CHL1: variants seen among roughly 807,000 people sequenced by gnomAD.
CHL1 encodes the protein neural cell adhesion molecule L1-like protein.
CHL1 carries 96 observed loss-of-function variants against 141.9 expected under a neutral mutation model. The observed-to-expected ratio is 0.68, with a 90% CI of 0.57 to 0.80. CHL1 has a LOEUF of 0.80. Ranked by LOEUF, CHL1 falls within the 30% of genes least tolerant of loss-of-function variation. The pLI is 0.00. For synonymous variants in CHL1, 613 were observed against 502.2 expected, an observed-to-expected ratio of 1.22 and a Z score of -2.95; for missense variants, 1,820 against 1,457.2, an observed-to-expected ratio of 1.25 and a Z score of -4.05.
rs1307605880 is a variant in CHL1, at chr3:198,731, C to T, written c.-175+1668C>T. 2.6e-5 allele frequency among the ~76,000 whole-genome samples: 4 copies of T among 152,190 alleles called. No individual in the cohort carries two copies. The South Asian group carries it at 8.3e-4, about 32-fold the overall frequency. ...TGTTAGTTAATCCTCAGTTTAATTA[C>T]ATATGGTGCATTTTCATTTCTCTGC... On this transcript the variant is annotated intron_variant, in intron 1 of 27. Transcript: ENST00000256509.
chr3:199,176 C>T (rs1460159193), intron 1 of CHL1, among the ~76,000 whole-genome samples: 2 of 152,156 alleles, frequency 1.3e-5, no homozygotes, highest in African/African-American at 2.4e-5. Context: ...GTGGATTTAC[C>T]TTTAGTAATG....
intron 1 of CHL1, among the ~76,000 whole-genome samples, chr3:235,012 TTGTA>T (rs1341548937): frequency 6.6e-6 from 1 of 151,284 alleles, no homozygotes; most frequent in African/African-American, 2.4e-5. Context: ...TTATTATTAT[TTGTA>T]ATTATACTTT....
intron 2 of CHL1, among the ~76,000 whole-genome samples, chr3:276,482 A>C (rs2125270387): frequency 6.6e-6 from 1 of 152,314 alleles, no homozygotes; most frequent in South Asian, 2.1e-4. Flanking sequence ...TTTGACCATG[A>C]GGTTTCAATA....
At chr3:399,423 T>C (rs568461236) in intron 26 of CHL1, among the ~76,000 whole-genome samples, 80 of 152,128 alleles carry the variant, frequency 5.3e-4, no homozygotes, top group South Asian at 4.6e-3. Context: ...GGGCGGATCA[T>C]GAGGTCAGGA....
rs1441597799 is a variant in CHL1, at chr3:406,279, G to C, written c.*568G>C. 6.6e-6 allele frequency: 1 copy of C among 152,108 alleles called. No homozygotes were observed. The highest frequency in any genetic ancestry group is 2.4e-5 in the African/African-American group (1 of 41,408). 9.4% of individuals were successfully genotyped at this position (152,108 alleles called of 1,614,324 possible). A position where few individuals can be genotyped will look rare whatever the true frequency, so the allele number is the denominator to read the frequency against. ...TTAGGTGAACAATCAACTAGTATTTGTTGAGCTCCTATTTGCCCAGAGATG... is the reference window on the plus strand; with the variant it reads ...TTAGGTGAACAATCAACTAGTATTTCTTGAGCTCCTATTTGCCCAGAGATG... On this transcript the variant is annotated 3_prime_UTR_variant, in exon 28 of 28. Transcript: ENST00000256509.
chr3:369,173 A>C (rs758481639), intron 15 of CHL1, among the ~76,000 whole-genome samples: 15 of 152,162 alleles, frequency 9.9e-5, no homozygotes, highest in Non-Finnish European at 1.8e-4. Context: ...TTGAATCTAT[A>C]AATTACTTTG....
At chr3:248,243 T>G (rs1693357746) in intron 2 of CHL1, 1 of 152,122 alleles carries the variant, frequency 6.6e-6, no homozygotes, top group South Asian at 2.1e-4. Flanking sequence ...ACAAATAAAT[T>G]TGATTTCCAA....
chr3:387,281 C>T (rs566494476), intron 19 of CHL1, among the ~76,000 whole-genome samples: 1 of 152,330 alleles, frequency 6.6e-6, no homozygotes, highest in Admixed American at 6.5e-5. Context: ...TTAAGAACCT[C>T]TTTTCTAAAG....
intron 17 of CHL1, 82 bp from the exon 18 acceptor site, chr3:382,392 C>A: frequency 6.8e-7 from 1 of 1,471,524 alleles, no homozygotes; most frequent in Non-Finnish European, 9.5e-7. Context: ...TCCTTTTGAA[C>A]TTTTAATATT....
At chr3:296,001 CA>C (rs11427399) in intron 2 of CHL1, among the ~76,000 whole-genome samples, 56 of 148,502 alleles carry the variant, frequency 3.8e-4, no homozygotes, top group East Asian at 1.2e-3. Flanking sequence ...AACTCCCTCT[CA>C]AAAAAAAAAT....
intron 2 of CHL1, among the ~76,000 whole-genome samples, chr3:272,974 A>G (rs1695774261): frequency 6.6e-6 from 1 of 152,202 alleles, no homozygotes; most frequent in African/African-American, 2.4e-5. Flanking sequence ...GATCATTCCT[A>G]TTAAGCTGGT....
At chr3:222,798 C>G (rs778845349) in intron 1 of CHL1, among the ~76,000 whole-genome samples, 1 of 152,168 alleles carries the variant, frequency 6.6e-6, no homozygotes, top group African/African-American at 2.4e-5. Flanking sequence ...TCTCTTCTAA[C>G]GCATATTGAT....
chr3:298,123 T>C (rs1462165399), intron 2 of CHL1, among the ~76,000 whole-genome samples: 1 of 152,192 alleles, frequency 6.6e-6, no homozygotes. Flanking sequence ...AGACAACATA[T>C]CAACATATGA....
chr3:354,490 CT>C (rs1703532124), intron 10 of CHL1, 149 bp from the exon 11 acceptor site: 1 of 810,872 alleles, frequency 1.2e-6, no homozygotes, highest in Admixed American at 2.5e-5. Context: ...TCCCACCTTG[CT>C]TTGCAGAGCA....
At chr3:341,808 C>A in intron 6 of CHL1, 104 bp from the exon 7 acceptor site, 1 of 997,750 alleles carries the variant, frequency 1.0e-6, no homozygotes, top group Non-Finnish European at 1.4e-6. Context: ...AAAGAGCAAA[C>A]AGGAAAAACC....
Position 340,470 on chromosome 3 carries a change from T to C in CHL1, c.386-324T>C, listed in dbSNP as rs200249564. On this transcript the variant is annotated intron_variant, in intron 5 of 27. Transcript: ENST00000256509. ...AAAAAGATTTCACATCTATCAAAGC[T>C]AAAGCAAGAAAATCCTGTGACTCTG... Among the ~76,000 whole-genome samples the C allele has an allele frequency of 2.0e-5, 3 of 152,168 alleles. No homozygotes were observed. In the East Asian group the frequency reaches 5.8e-4, roughly 29 times the overall value.
chr3:278,883 G>A lies in CHL1; in HGVS notation c.-95+34191G>A, dbSNP rs571667145. On this transcript the variant is annotated intron_variant, in intron 2 of 27. Coordinates refer to ENST00000256509, the MANE Select transcript of CHL1 (RefSeq NM_006614.4). ...AGAGCAAGAAATGACATTATTGTGAGCCACATTGTGGAAGAAAAATCCAGG... is the reference window on the plus strand; with the variant it reads ...AGAGCAAGAAATGACATTATTGTGAACCACATTGTGGAAGAAAAATCCAGG... 3.0e-4 allele frequency among the ~76,000 whole-genome samples: 46 copies of A among 152,318 alleles called. 2 individuals are homozygous for A. In the South Asian group the frequency reaches 9.5e-3, roughly 32 times the overall value.
intron 1 of CHL1, among the ~76,000 whole-genome samples, chr3:201,981 T>TA: frequency 6.6e-6 from 1 of 152,334 alleles, no homozygotes; most frequent in East Asian, 1.9e-4. Context: ...ATGCATCTCA[T>TA]AAACTCTTAA....
Position 364,767 on chromosome 3 carries a change from C to T in CHL1, c.1586-1183C>T, listed in dbSNP as rs144308618. ...TTCAAATCCTGGTTCAGCCCATTCC[C>T]GGTTAGGAAACCTTGTCTTATGGCT... On this transcript the variant is annotated intron_variant, in intron 14 of 27. Transcript: ENST00000256509. 1.5e-3 allele frequency among the ~76,000 whole-genome samples: 226 copies of T among 152,168 alleles called. 7 individuals are homozygous for T. The South Asian group carries it at 0.043, about 29-fold the overall frequency.
Sources: gnomAD v4.1 joint callset for allele counts (sites outside exome capture counted in the v4.1 genomes callset) on GRCh38, gnomAD v4.1.1 for gene constraint, MANE v1.5 for transcripts, NCBI Gene and HGNC (gene_info 2026-07-23, HGNC 2026-07-21) for gene names.